Variants in TRPM3 observed in about 807,000 individuals in gnomAD.
TRPM3 encodes long transient receptor potential channel 3.
A neutral mutation model predicts 181.2 loss-of-function variants in TRPM3; 77 were observed. The observed-to-expected ratio is 0.42, with a 90% CI of 0.35 to 0.51. TRPM3 has a LOEUF of 0.51. Ranked by LOEUF, TRPM3 falls within the 20% of genes least tolerant of loss-of-function variation. The pLI, the probability that TRPM3 is intolerant of heterozygous loss-of-function variation, is 0.01. For synonymous variants in TRPM3, 745 were observed against 796.4 expected, an observed-to-expected ratio of 0.94 and a Z score of 1.09; for missense variants, 1,759 against 2,196.7, an observed-to-expected ratio of 0.80 and a Z score of 3.98.
At chr9:70,643,695 C>T (rs1021222542) in intron 9 of TRPM3, among the ~76,000 whole-genome samples, 1 of 152,188 alleles carries the variant, frequency 6.6e-6, no homozygotes, top group Admixed American at 6.5e-5. Context: ...ACCCTATTCT[C>T]GACTATGGCT....
chr9:71,276,636 A>C (rs2084234893), intron 1 of TRPM3, among the ~76,000 whole-genome samples: 2 of 152,206 alleles, frequency 1.3e-5, no homozygotes, highest in African/African-American at 4.8e-5. Context: ...GTTTGGCAAA[A>C]ATATAAATAT....
chr9:71,132,055 T>C (rs1002757492), intron 1 of TRPM3, among the ~76,000 whole-genome samples: 8 of 152,208 alleles, frequency 5.3e-5, no homozygotes, highest in African/African-American at 1.9e-4. Flanking sequence ...GAATTACCTA[T>C]CAGCCATTTT....
At chr9:71,416,043 CAGTG>C (rs1228655173) in intron 1 of TRPM3, among the ~76,000 whole-genome samples, 1 of 148,632 alleles carries the variant, frequency 6.7e-6, no homozygotes, top group Admixed American at 6.7e-5. Context: ...CATTAGTTGA[CAGTG>C]AGGCTCAGAT....
At chr9:70,853,358 T>C (rs570372969) in intron 3 of TRPM3, among the ~76,000 whole-genome samples, 2 of 152,356 alleles carry the variant, frequency 1.3e-5, no homozygotes, top group East Asian at 1.9e-4. Flanking sequence ...GTCAAAAATA[T>C]AGGCTCTGAT....
chr9:71,119,078 T>C (rs1374266086), intron 1 of TRPM3, among the ~76,000 whole-genome samples: 1 of 152,160 alleles, frequency 6.6e-6, no homozygotes, highest in East Asian at 1.9e-4. Flanking sequence ...ATACAATTGC[T>C]CATATACCAA....
At chr9:71,286,835 G>A (rs2132238871) in intron 1 of TRPM3, among the ~76,000 whole-genome samples, 2 of 150,834 alleles carry the variant, frequency 1.3e-5, no homozygotes, top group South Asian at 4.2e-4. Flanking sequence ...CCGCCTGCCT[G>A]GATTGTTTTC....
intron 1 of TRPM3, among the ~76,000 whole-genome samples, chr9:70,917,888 T>G (rs2096617176): frequency 6.6e-6 from 1 of 151,976 alleles, no homozygotes. Flanking sequence ...GAATGATCTG[T>G]TGCCTACAAG....
chr9:71,395,102 G>A (rs2093158983), intron 1 of TRPM3, among the ~76,000 whole-genome samples: 1 of 152,134 alleles, frequency 6.6e-6, no homozygotes, highest in Non-Finnish European at 1.5e-5. Flanking sequence ...CTACCAAAAT[G>A]CCAATAGCAC....
chr9:70,977,766 G>A (rs1216538434), intron 1 of TRPM3, among the ~76,000 whole-genome samples: 1 of 152,098 alleles, frequency 6.6e-6, no homozygotes, highest in Non-Finnish European at 1.5e-5. Context: ...TCTTATTGCT[G>A]GTTTGTTAGA....
rs759737172 is a variant in TRPM3, at chr9:70,864,527, A to C, written c.178-16T>G. ...ATTTCTGAGCCTGAAAAAGAAAACAAAAAAAAAAAAAAAAGAAAAAAGAAA... is the reference window on the plus strand; with the variant it reads ...ATTTCTGAGCCTGAAAAAGAAAACACAAAAAAAAAAAAAAGAAAAAAGAAA... On this transcript the variant is annotated splice_polypyrimidine_tract_variant and intron_variant, in intron 1 of 25. Coordinates refer to ENST00000677713, the MANE Select transcript of TRPM3 (RefSeq NM_001366145.2). 5 of 1,287,486 alleles carry C rather than the reference A, an allele frequency of 3.9e-6. No individual in the cohort carries two copies. The South Asian group carries it at 7.0e-5, about 18-fold the overall frequency. The allele number at this position is 1,287,486 out of a possible 1,614,324, so 79.8% of individuals were successfully genotyped here.
chr9:71,329,172 C>T (rs897680546), intron 1 of TRPM3, among the ~76,000 whole-genome samples: 1 of 152,184 alleles, frequency 6.6e-6, no homozygotes, highest in Non-Finnish European at 1.5e-5. Context: ...ATAACAGTAA[C>T]AGTAGCAACA....
intron 1 of TRPM3, among the ~76,000 whole-genome samples, chr9:71,273,853 T>C (rs1374294641): frequency 1.3e-5 from 2 of 152,230 alleles, no homozygotes; most frequent in East Asian, 3.8e-4. Context: ...TCCATATTGG[T>C]AACTTCACAA....
chr9:70,870,535 T>G (rs1813253986), intron 1 of TRPM3, among the ~76,000 whole-genome samples: 1 of 152,048 alleles, frequency 6.6e-6, no homozygotes, highest in African/African-American at 2.4e-5. Context: ...TCCCAAGCAC[T>G]TATTCCAAAG....
At chr9:71,317,460 G>A (rs1471825709) in intron 1 of TRPM3, among the ~76,000 whole-genome samples, 2 of 152,048 alleles carry the variant, frequency 1.3e-5, no homozygotes, top group Non-Finnish European at 2.9e-5. Context: ...GGCAACAATG[G>A]TGGAACCCCG....
intron 19 of TRPM3, among the ~76,000 whole-genome samples, chr9:70,607,995 GAACTA>G (rs1255885465): frequency 2.0e-5 from 3 of 152,186 alleles, no homozygotes; most frequent in Non-Finnish European, 2.9e-5. Context: ...TGTACATTGT[GAACTA>G]TAACAAATGA....
At chr9:71,079,362 T>C (rs1249573433) in intron 1 of TRPM3, among the ~76,000 whole-genome samples, 1 of 152,206 alleles carries the variant, frequency 6.6e-6, no homozygotes, top group Non-Finnish European at 1.5e-5. Context: ...TCCCTCAGGA[T>C]GGCTTCTGTC....
At chr9:71,374,494 T>C (rs921566251) in intron 1 of TRPM3, among the ~76,000 whole-genome samples, 6 of 152,170 alleles carry the variant, frequency 3.9e-5, no homozygotes, top group African/African-American at 1.4e-4. Flanking sequence ...AATATCCTAC[T>C]GAATGGACAA....
chr9:70,857,398 A>T (rs1276482537), intron 3 of TRPM3, among the ~76,000 whole-genome samples: 2 of 152,156 alleles, frequency 1.3e-5, no homozygotes, highest in Non-Finnish European at 2.9e-5. Context: ...GTACTCGAAA[A>T]GGCACAGAAA....
chr9:71,017,784 C>T lies in TRPM3; in HGVS notation c.177+103394G>A, dbSNP rs144077083. Among the ~76,000 whole-genome samples, 10 of 151,680 alleles carry T rather than the reference C, an allele frequency of 6.6e-5. No individual in the cohort carries two copies. The East Asian group carries it at 7.7e-4, about 12-fold the overall frequency. On this transcript the variant is annotated intron_variant, in intron 1 of 25. Transcript: ENST00000677713. ...CACCTTTCTCGAAACTGATAGAATA[C>T]GCAGGAAAAATGTCACAAAAAACAT... is the stretch of plus-strand genomic sequence containing the variant.
Sources: allele counts gnomAD v4.1 joint callset (sites outside exome capture counted in the v4.1 genomes callset), GRCh38; gene constraint gnomAD v4.1.1; transcripts MANE v1.5; gene names NCBI Gene and HGNC (gene_info 2026-07-23, HGNC 2026-07-21).